The following DOCK2 variants were observed in gnomAD, a reference collection of about 807,000 sequenced individuals.
The protein encoded by DOCK2 is dedicator of cytokinesis protein 2.
Under a neutral mutation model 248.9 loss-of-function variants are expected in DOCK2, and 87 were observed. The ratio of observed to expected loss-of-function variants is 0.35; its 90% CI spans 0.29 to 0.42. The LOEUF (loss-of-function observed/expected upper bound fraction) is 0.42. DOCK2 is among the 10% of genes least tolerant of loss of function. DOCK2 has a pLI of 1.00. For missense variants in DOCK2, 1,747 were observed against 2,300.2 expected (o/e 0.76, Z 4.92); for synonymous variants, 805 against 821.6 (o/e 0.98, Z 0.35).
intron 33 of DOCK2, among the ~76,000 whole-genome samples, chr5:170,021,516 C>G (rs2113824118): frequency 6.6e-6 from 1 of 152,288 alleles, no homozygotes; most frequent in African/African-American, 2.4e-5. Context: ...GAGAGTTTCA[C>G]TCTAGTGTGA....
In DOCK2 at chr5:169,967,291, G is replaced by A. The variant is rs139668745; in HGVS notation, c.2800-15777G>A. On this transcript the variant is annotated intron_variant, in intron 27 of 51. Transcript: ENST00000520908. The stretch of plus-strand genomic sequence containing the variant: ...TTCCAGATGAAGTGATTTCAAATAC[G>A]GGACCTGAAGTTCAGTAGAGGTGAC... 2.8e-4 allele frequency among the ~76,000 whole-genome samples: 43 copies of A among 152,314 alleles called. No homozygotes were observed. In the East Asian group the frequency reaches 7.9e-3, roughly 28 times the overall value.
intron 35 of DOCK2, 49 bp from the exon 36 acceptor site, chr5:170,036,466 T>G: frequency 1.9e-6 from 3 of 1,587,748 alleles, no homozygotes; most frequent in Non-Finnish European, 2.6e-6. Flanking sequence ...TTGACCGCTG[T>G]GATATTGCAG....
At chr5:170,028,236 T>C (rs1232918951) in intron 34 of DOCK2, among the ~76,000 whole-genome samples, 3 of 152,364 alleles carry the variant, frequency 2.0e-5, no homozygotes, top group African/African-American at 7.2e-5. Context: ...AACTGTGGAA[T>C]GTGATTGCTA....
intron 48 of DOCK2, 115 bp from the exon 49 acceptor site, chr5:170,078,860 C>A: frequency 8.4e-7 from 1 of 1,190,152 alleles, no homozygotes; most frequent in Non-Finnish European, 1.2e-6. Flanking sequence ...TACTCCAGAC[C>A]CTGTAGTGAC....
chr5:169,643,296 C>A (rs1757252074), intron 1 of DOCK2, among the ~76,000 whole-genome samples: 1 of 151,964 alleles, frequency 6.6e-6, no homozygotes, highest in African/African-American at 2.4e-5. Context: ...GTATGACCGC[C>A]AATGTGGACA....
intron 8 of DOCK2, among the ~76,000 whole-genome samples, chr5:169,685,622 G>A (rs1339901431): frequency 6.6e-6 from 1 of 152,230 alleles, no homozygotes; most frequent in Non-Finnish European, 1.5e-5. Context: ...TTCCTGGCTT[G>A]TTGTTATGAT....
chr5:169,670,476 T>A, intron 3 of DOCK2, 66 bp from the exon 4 acceptor site: 1 of 1,566,724 alleles, frequency 6.4e-7, no homozygotes. Flanking sequence ...AGACGTAGGG[T>A]CATTCATTTC....
intron 2 of DOCK2, among the ~76,000 whole-genome samples, chr5:169,662,669 A>G (rs1219643993): frequency 6.6e-6 from 1 of 152,222 alleles, no homozygotes; most frequent in Non-Finnish European, 1.5e-5. Context: ...GAGAACAAGA[A>G]GGGAAGTGCC....
At chr5:169,708,390 T>C (rs1008550959) in intron 15 of DOCK2, 123 bp downstream of exon 15, 2 of 986,968 alleles carry the variant, frequency 2.0e-6, no homozygotes, top group African/African-American at 3.3e-5. Context: ...TTTGTACTAA[T>C]ATTTCCTTCA....
intron 26 of DOCK2, among the ~76,000 whole-genome samples, chr5:169,811,400 G>A (rs770843635): frequency 1.3e-5 from 2 of 152,174 alleles, no homozygotes; most frequent in Non-Finnish European, 2.9e-5. Flanking sequence ...TAACCTATCT[G>A]CTCCCTCATA....
At chr5:169,947,206 T>C (rs549517109) in intron 27 of DOCK2, among the ~76,000 whole-genome samples, 2 of 152,350 alleles carry the variant, frequency 1.3e-5, no homozygotes, top group African/African-American at 4.8e-5. Flanking sequence ...AGCAGTCTGA[T>C]AGGGGAAGCT....
chr5:169,973,428 G>A (rs950172513), intron 27 of DOCK2, among the ~76,000 whole-genome samples: 6 of 152,162 alleles, frequency 3.9e-5, no homozygotes, highest in Non-Finnish European at 7.3e-5. Context: ...TACCTAGTGT[G>A]TGCCAGGCTT....
intron 46 of DOCK2, among the ~76,000 whole-genome samples, chr5:170,074,629 C>A (rs1757782535): frequency 6.6e-6 from 1 of 152,174 alleles, no homozygotes; most frequent in Non-Finnish European, 1.5e-5. Flanking sequence ...GACCCAAATG[C>A]AGACTTTCTC....
intron 46 of DOCK2, 63 bp from the exon 47 acceptor site, chr5:170,075,884 C>A (rs554982012): frequency 1.3e-6 from 2 of 1,595,938 alleles, no homozygotes; most frequent in Non-Finnish European, 8.6e-7. Flanking sequence ...CCTTGATGGG[C>A]GGGGTGCCAG....
chr5:169,809,739 A>G (rs1324923652), intron 26 of DOCK2, among the ~76,000 whole-genome samples: 1 of 152,160 alleles, frequency 6.6e-6, no homozygotes, highest in Non-Finnish European at 1.5e-5. Flanking sequence ...TGAACTGTCT[A>G]TTCTCTGGTT....
intron 25 of DOCK2, among the ~76,000 whole-genome samples, chr5:169,800,944 CTTTTTTTTTTTTTTTT>C (rs60140740): frequency 4.7e-4 from 25 of 53,182 alleles, no homozygotes; most frequent in South Asian, 2.2e-3. Context: ...TTCTTTCTTT[CTTTTTTTTTTTTTTTT>C]TTTTTTTTTT....
intron 22 of DOCK2, among the ~76,000 whole-genome samples, chr5:169,736,625 A>G (rs534707120): frequency 2.0e-5 from 3 of 152,320 alleles, no homozygotes; most frequent in Non-Finnish European, 4.4e-5. Flanking sequence ...TCAGCCTGGA[A>G]TATAAAGATG....
chr5:170,022,682 C>T (rs1755771509), intron 33 of DOCK2, among the ~76,000 whole-genome samples: 1 of 152,090 alleles, frequency 6.6e-6, no homozygotes, highest in Non-Finnish European at 1.5e-5. Context: ...TCCTATCCTG[C>T]CTGGATTGAG....
intron 25 of DOCK2, among the ~76,000 whole-genome samples, chr5:169,784,090 G>T (rs1248680482): frequency 6.6e-6 from 1 of 151,678 alleles, no homozygotes; most frequent in Non-Finnish European, 1.5e-5. Context: ...GGGCAGTCAG[G>T]TTCTGTTGTG....
Sources: allele counts gnomAD v4.1 joint callset (sites outside exome capture counted in the v4.1 genomes callset), GRCh38; gene constraint gnomAD v4.1.1; transcripts MANE v1.5; gene names NCBI Gene and HGNC (gene_info 2026-07-23, HGNC 2026-07-21).